The following ALPK3 variants were observed in gnomAD, a reference collection of about 807,000 sequenced individuals.
ALPK3 encodes alpha-protein kinase 3.
ALPK3 carries 102 observed loss-of-function variants against 140.0 expected under a neutral mutation model. The observed-to-expected ratio is 0.73, with a 90% confidence interval of 0.62 to 0.86. ALPK3 has a LOEUF of 0.86. Among genes scored for constraint, ALPK3 ranks in the 40% least tolerant of loss-of-function variants. The pLI is 0.00. For missense variants in ALPK3, 2,254 were observed against 2,208.2 expected (o/e 1.02, Z -0.42); for synonymous variants, 938 against 898.5 (o/e 1.04, Z -0.79).
At position 84,868,340 on chromosome 15, in the gene ALPK3, C is replaced by T. The variant is rs148009523; in HGVS notation, c.5002C>T (p.Arg1668Trp). The T allele has an allele frequency of 1.4e-5, 22 of 1,614,120 alleles. No individual in the cohort carries two copies. The African/African-American group carries it at 2.1e-4, about 16-fold the overall frequency. The change falls in exon 14 of 14, where the codon CGG (arginine) becomes TGG (tryptophan). Residue 1668 changes from arginine to tryptophan, a missense_variant. Physicochemically the swap from Arg to Trp is moderately radical, Grantham distance 101. Coordinates refer to ENST00000258888, the MANE Select transcript of ALPK3 (RefSeq NM_020778.5). ...AGGCCTCCCTAGTCCTCAGGGCACCCGGAAGAGTGCTCCAAGTTCCAAGGC... is the reference window on the plus strand; with the variant it reads ...AGGCCTCCCTAGTCCTCAGGGCACCTGGAAGAGTGCTCCAAGTTCCAAGGC... ...KKGLPSPQGT[R>W]KSAPSSKATP...
At position 84,872,530 on chromosome 15, in the gene ALPK3, C is replaced by T. The variant is rs1030765768; in HGVS notation, c.*4074C>T. On this transcript the variant is annotated 3_prime_UTR_variant, in exon 14 of 14. Transcript: ENST00000258888. The stretch of plus-strand genomic sequence containing the variant: ...GTAAATGGGTTAGAACAAGATGCCC[C>T]AAAGTGGCATAAATTGCATGGAATT... 2 of 152,222 alleles carry T rather than the reference C, an allele frequency of 1.3e-5. No homozygotes were observed. Among genetic ancestry groups the T allele is most frequent in the African/African-American group, 4.8e-5 (2 of 41,440 alleles). The allele number at this position is 152,222 out of a possible 1,614,324, so 9.4% of individuals were successfully genotyped here. A position where few individuals can be genotyped will look rare whatever the true frequency, so the allele number is the denominator to read the frequency against.
At chr15:84,823,445 C>T in intron 2 of ALPK3, 77 bp downstream of exon 2, 5 of 1,526,978 alleles carry the variant, frequency 3.3e-6, no homozygotes, top group Non-Finnish European at 3.6e-6. Flanking sequence ...TGAGTGTCTG[C>T]TCGTGCACTA....
chr15:84,847,208 G>GGAGAGAGAGAGAGA (rs55944419), intron 5 of ALPK3, among the ~76,000 whole-genome samples: 61 of 116,636 alleles, frequency 5.2e-4, no homozygotes, highest in African/African-American at 9.6e-4. Context: ...GGAGAAACGG[G>GGAGAGAGAGAGAGA]GAGAGAGAGA....
chr15:84,853,938 C>T (rs150584963), intron 5 of ALPK3, among the ~76,000 whole-genome samples: 1,616 of 152,164 alleles, frequency 0.011, 35 homozygotes, highest in African/African-American at 0.036. Flanking sequence ...TGCTTGAGGC[C>T]AGGAGTTTGA....
chr15:84,857,306 T>G lies in ALPK3; in HGVS notation c.2568T>G (p.Pro856=), dbSNP rs760005405. 12 of 1,613,996 alleles carry G rather than the reference T, an allele frequency of 7.4e-6. No individual in the cohort carries two copies. The highest frequency in any genetic ancestry group is 1.0e-5 in the Non-Finnish European group (12 of 1,180,016). ...CGTGTATGGATCAGGGTGGCTGTCC[T>G]CTAGCTGGCCTGAGCCAGGAGGTAC... ...GVPCMDQGGC[P]LAGLSQEVPT... The change falls in exon 6 of 14, where the codon CCT becomes CCG. Residue 856 remains proline, a synonymous_variant. Coordinates refer to ENST00000258888, the MANE Select transcript of ALPK3 (RefSeq NM_020778.5).
chr15:84,870,192 C>G lies in ALPK3; in HGVS notation c.*1736C>G, dbSNP rs1964052857. On this transcript the variant is annotated 3_prime_UTR_variant, in exon 14 of 14. Transcript: ENST00000258888. Reference sequence around the variant, plus strand: ...TTTCATTCCCACCCCCACCCGGAACCTCCCCTTGCCTAACATTTCCCCTCT... The same window carrying G: ...TTTCATTCCCACCCCCACCCGGAACGTCCCCTTGCCTAACATTTCCCCTCT... The G allele has an allele frequency of 6.6e-6, 1 of 152,132 alleles. No individual in the cohort carries two copies. The highest frequency in any genetic ancestry group is 1.5e-5 in the Non-Finnish European group (1 of 68,044). The allele number at this position is 152,132 out of a possible 1,614,324, so 9.4% of individuals were successfully genotyped here.
At chr15:84,830,792 G>T (rs534790092) in intron 3 of ALPK3, among the ~76,000 whole-genome samples, 9 of 152,122 alleles carry the variant, frequency 5.9e-5, no homozygotes, top group Non-Finnish European at 1.0e-4. Flanking sequence ...CAACCGCCCC[G>T]GCTCAGGTGA....
intron 2 of ALPK3, among the ~76,000 whole-genome samples, chr15:84,824,675 C>A (rs1406342492): frequency 6.6e-6 from 1 of 152,124 alleles, no homozygotes; most frequent in Admixed American, 6.5e-5. Context: ...CTGGGCAAAC[C>A]AAACCTTACC....
chr15:84,818,800 T>G (rs1963390856), intron 1 of ALPK3, among the ~76,000 whole-genome samples: 1 of 152,188 alleles, frequency 6.6e-6, no homozygotes, highest in African/African-American at 2.4e-5. Flanking sequence ...TGAGTCAGAC[T>G]CAACAAGGCC....
intron 3 of ALPK3, among the ~76,000 whole-genome samples, chr15:84,837,230 T>C (rs916168797): frequency 1.3e-5 from 2 of 152,152 alleles, no homozygotes; most frequent in African/African-American, 4.8e-5. Context: ...GGAATTTCTT[T>C]TTAAAGAAGG....
At chr15:84,849,321 G>A (rs920389419) in intron 5 of ALPK3, among the ~76,000 whole-genome samples, 1 of 152,132 alleles carries the variant, frequency 6.6e-6, no homozygotes, top group African/African-American at 2.4e-5. Flanking sequence ...TATAGTTGGA[G>A]ACTTTAACAC....
chr15:84,825,288 T>G (rs1963473897), intron 2 of ALPK3, among the ~76,000 whole-genome samples: 1 of 152,094 alleles, frequency 6.6e-6, no homozygotes, highest in Non-Finnish European at 1.5e-5. Context: ...GTGATTCTCC[T>G]GCCTCAGCCT....
intron 3 of ALPK3, among the ~76,000 whole-genome samples, chr15:84,830,064 A>G (rs1963529620): frequency 6.6e-6 from 1 of 151,626 alleles, no homozygotes; most frequent in Non-Finnish European, 1.5e-5. Context: ...CTATGCTTGT[A>G]TTTTTTCTTT....
intron 5 of ALPK3, among the ~76,000 whole-genome samples, chr15:84,841,937 A>C (rs1480816500): frequency 9.2e-5 from 14 of 152,222 alleles, no homozygotes; most frequent in Admixed American, 9.2e-4. Context: ...TGGGGTGGAT[A>C]AAATAGATAG....
intron 5 of ALPK3, among the ~76,000 whole-genome samples, chr15:84,850,370 T>C (rs1422216749): frequency 6.6e-6 from 1 of 151,986 alleles, no homozygotes; most frequent in African/African-American, 2.4e-5. Context: ...GAATAAAACT[T>C]TTTATTTTTA....
At position 84,864,422 on chromosome 15, in the gene ALPK3, C is replaced by G; in HGVS notation, c.4500-20C>G. On this transcript the variant is annotated intron_variant, in intron 11 of 13. Transcript: ENST00000258888. The stretch of plus-strand genomic sequence containing the variant: ...TCTGGGCCATACTTCCTGCTTACTG[C>G]AGGGTGAAACTATGTTTAGGATCAT... 4 of 1,605,480 alleles carry G rather than the reference C, an allele frequency of 2.5e-6. No individual in the cohort carries two copies. The highest frequency in any genetic ancestry group is 3.4e-6 in the Non-Finnish European group (4 of 1,172,530).
chr15:84,823,192 A>G, intron 1 of ALPK3, 138 bp from the exon 2 acceptor site: 1 of 928,126 alleles, frequency 1.1e-6, no homozygotes, highest in East Asian at 2.4e-5. Flanking sequence ...GAGCAGGCCA[A>G]CTAAGACAGC....
In ALPK3 at chr15:84,838,586, G is replaced by A. The variant is rs28415831; in HGVS notation, c.305-394G>A. On this transcript the variant is annotated intron_variant, in intron 3 of 13. Coordinates refer to ENST00000258888, the MANE Select transcript of ALPK3 (RefSeq NM_020778.5). ...AGGTGGTCTGGGAAGCCACGGCCTC[G>A]TGTTCTCTCCTCCCATTATTATTAT... is the stretch of plus-strand genomic sequence containing the variant. Among the ~76,000 whole-genome samples, 709 of 149,558 alleles carry A rather than the reference G, an allele frequency of 4.7e-3. 5 individuals carry two copies. Among genetic ancestry groups the A allele is most frequent in the African/African-American group, 0.013 (513 of 40,576 alleles).
intron 5 of ALPK3, among the ~76,000 whole-genome samples, chr15:84,853,763 C>G (rs1312422433): frequency 6.6e-6 from 1 of 151,012 alleles, no homozygotes; most frequent in East Asian, 1.9e-4. Flanking sequence ...TGGCAAGAAC[C>G]TGTCTCAAAA....
Sources: gnomAD v4.1 joint callset for allele counts (sites outside exome capture counted in the v4.1 genomes callset) on GRCh38, gnomAD v4.1.1 for gene constraint, MANE v1.5 for transcripts, NCBI Gene and HGNC (gene_info 2026-07-23, HGNC 2026-07-21) for gene names.